Variants in DDX60L observed in about 807,000 individuals in gnomAD.
The protein encoded by DDX60L is probable ATP-dependent RNA helicase DDX60-like.
A neutral mutation model predicts 211.6 loss-of-function variants in DDX60L; 191 were observed. That is an observed-to-expected ratio of 0.90 (90% confidence interval 0.80 to 1.02). The LOEUF (loss-of-function observed/expected upper bound fraction) is 1.02, where lower values mean the gene tolerates loss of function less well. DDX60L is among the 50% of genes least tolerant of loss of function. DDX60L has a pLI of 0.00. For missense variants in DDX60L, 2,007 were observed against 1,984.1 expected, an observed-to-expected ratio of 1.01 and a Z score of -0.22; for synonymous variants, 706 against 694.1, an observed-to-expected ratio of 1.02 and a Z score of -0.27.
At chr4:168,463,857 G>A (rs917337101) in intron 4 of DDX60L, among the ~76,000 whole-genome samples, 4 of 152,154 alleles carry the variant, frequency 2.6e-5, no homozygotes, top group East Asian at 3.9e-4. Context: ...TTTGGGTTGA[G>A]ATTTGTTACA....
chr4:168,441,915 C>A (rs545581839), intron 9 of DDX60L, among the ~76,000 whole-genome samples: 1 of 152,146 alleles, frequency 6.6e-6, no homozygotes, highest in Non-Finnish European at 1.5e-5. Flanking sequence ...AATAATGAAG[C>A]ACAATATGCT....
At chr4:168,423,580 A>AAGAAATTCTAT in intron 15 of DDX60L, 28 bp downstream of exon 15, 1 of 1,482,160 alleles carries the variant, frequency 6.7e-7, no homozygotes, top group African/African-American at 1.4e-5. Flanking sequence ...GTAAAAATTT[A>AAGAAATTCTAT]AAGTATAAGA....
intron 36 of DDX60L, 41 bp from the exon 37 acceptor site, chr4:168,361,252 A>G (rs1417854570): frequency 1.5e-6 from 2 of 1,360,868 alleles, no homozygotes; most frequent in Non-Finnish European, 2.1e-6. Flanking sequence ...GTATAAAAAC[A>G]TAAACATAAA....
At chr4:168,446,291 G>C (rs1331546017) in intron 9 of DDX60L, among the ~76,000 whole-genome samples, 1 of 152,106 alleles carries the variant, frequency 6.6e-6, no homozygotes, top group Non-Finnish European at 1.5e-5. Flanking sequence ...TTGCTTCAAA[G>C]AGAATAAAAT....
Position 168,456,092 on chromosome 4 carries a change from C to T in DDX60L, c.784G>A (p.Val262Ile). 6.3e-7 allele frequency: 1 copy of T among 1,596,746 alleles called. No homozygotes were observed. Among genetic ancestry groups the T allele is most frequent in the Non-Finnish European group, 8.5e-7 (1 of 1,173,364 alleles). Reference protein sequence around the residue: ...LWSEGSDIQRVLCVTSCSLSL... With the variant: ...LWSEGSDIQRILCVTSCSLSL... ...AGTGAACATGAAGTGACACAGAGAACACGCTGGATGTCCGATCCTTCTGAC... is the reference window on the plus strand; with the variant it reads ...AGTGAACATGAAGTGACACAGAGAATACGCTGGATGTCCGATCCTTCTGAC... Residue 262 changes from valine to isoleucine, a missense_variant, in exon 7 of 38, where the codon GTT becomes ATT. Coordinates refer to ENST00000682922, the MANE Select transcript of DDX60L (RefSeq NM_001012967.3).
intron 14 of DDX60L, among the ~76,000 whole-genome samples, chr4:168,425,317 A>G (rs1036882837): frequency 1.3e-5 from 2 of 152,248 alleles, no homozygotes; most frequent in Admixed American, 6.5e-5. Context: ...CCACTGAGGT[A>G]CTGGCTTTGC....
Position 168,384,809 on chromosome 4 carries a change from A to T in DDX60L, c.3919T>A (p.Ser1307Thr), listed in dbSNP as rs932103004. 6.2e-7 allele frequency: 1 copy of T among 1,612,118 alleles called. No homozygotes were observed. Reference sequence around the variant, plus strand: ...TGACCTCTTCTTCCAGCACGACCAGACATCTGGAAGCAGCAAAGAATCACA... The same window carrying T: ...TGACCTCTTCTTCCAGCACGACCAGTCATCTGGAAGCAGCAAAGAATCACA... ...YLDALNYRQM[S>T]GRAGRRGQDL... The change falls in exon 30 of 38, where the codon TCT (serine) becomes ACT (threonine). Residue 1307 changes from serine to threonine, a missense_variant. Transcript: ENST00000682922.
chr4:168,430,724 C>T, intron 12 of DDX60L, 86 bp from the exon 13 acceptor site: 2 of 1,019,552 alleles, frequency 2.0e-6, no homozygotes, highest in Non-Finnish European at 1.3e-6. Context: ...TTTTTAACTC[C>T]AGAATAATAA....
rs1752573692 is a variant in DDX60L, at chr4:168,433,024, C to T, written c.1386G>A (p.Leu462=). The part of the protein sequence containing the change: ...DEFVGDMMKD[L]PILKSDDPVV... ...TAACTCTGTACCTCTTTAGAATAGG[C>T]AAATCCTTCATCATATCTCCAACAA... Residue 462 remains leucine, a synonymous_variant, in exon 11 of 38, where the codon TTG becomes TTA. Transcript: ENST00000682922. 6.2e-7 allele frequency: 1 copy of T among 1,606,304 alleles called. No individual in the cohort carries two copies. Among genetic ancestry groups the T allele is most frequent in the Non-Finnish European group, 8.5e-7 (1 of 1,175,698 alleles).
chr4:168,438,734 G>A (rs1753408865), intron 10 of DDX60L, among the ~76,000 whole-genome samples: 1 of 152,200 alleles, frequency 6.6e-6, no homozygotes, highest in African/African-American at 2.4e-5. Flanking sequence ...ACCAGCTTAG[G>A]TGCTTGCTGG....
intron 4 of DDX60L, among the ~76,000 whole-genome samples, chr4:168,465,832 T>C (rs1355797291): frequency 6.6e-6 from 1 of 152,188 alleles, no homozygotes; most frequent in African/African-American, 2.4e-5. Flanking sequence ...TTTTGGGTTC[T>C]CTATTCTGTT....
chr4:168,390,322 A>G lies in DDX60L; in HGVS notation c.3915+1218T>C, dbSNP rs539132889. 3 of 1,153,502 alleles carry G rather than the reference A, an allele frequency of 2.6e-6. No homozygotes were observed. The African/African-American group carries it at 4.8e-5, about 18-fold the overall frequency. The allele number at this position is 1,153,502 out of a possible 1,614,324, so 71.5% of individuals were successfully genotyped here. ...TTTGCTCTCTACATGAAAAAGAGAA[A>G]GACTGAAAAATTCCAGCTCAGGGAC... On this transcript the variant is annotated intron_variant, in intron 29 of 37. Coordinates refer to ENST00000682922, the MANE Select transcript of DDX60L (RefSeq NM_001012967.3).
chr4:168,435,230 A>G (rs1214729922), intron 10 of DDX60L, among the ~76,000 whole-genome samples: 2 of 152,208 alleles, frequency 1.3e-5, no homozygotes, highest in Non-Finnish European at 2.9e-5. Context: ...TAACTGGGAC[A>G]GACATACTCA....
chr4:168,413,873 T>C (rs1749085878), intron 22 of DDX60L, among the ~76,000 whole-genome samples: 1 of 152,028 alleles, frequency 6.6e-6, no homozygotes, highest in South Asian at 2.1e-4. Context: ...CCAATACTCA[T>C]ATACAAGAAG....
Position 168,423,706 on chromosome 4 carries a change from A to G in DDX60L, c.1999T>C (p.Tyr667His), listed in dbSNP as rs1751015146. 6.2e-7 allele frequency: 1 copy of G among 1,608,966 alleles called. No individual in the cohort carries two copies. Among genetic ancestry groups the G allele is most frequent in the South Asian group, 1.1e-5 (1 of 90,102 alleles). Residue 667 changes from tyrosine (Y) to histidine (H), a missense_variant, in exon 15 of 38, where the codon TAC becomes CAC. Coordinates refer to ENST00000682922, the MANE Select transcript of DDX60L (RefSeq NM_001012967.3). Reference sequence around the variant, plus strand: ...TGTTCTGCTTCCAAAATTTCTGGGTATCTCTCCAGGAGTGAATGAATCCTT... The same window carrying G: ...TGTTCTGCTTCCAAAATTTCTGGGTGTCTCTCCAGGAGTGAATGAATCCTT... Reference protein sequence around the residue: ...MKRIHSLLERYPEILEAEHHQ... With the variant: ...MKRIHSLLERHPEILEAEHHQ...
intron 4 of DDX60L, chr4:168,470,154 G>A (rs1758557110): frequency 6.6e-6 from 1 of 152,188 alleles, no homozygotes; most frequent in Non-Finnish European, 1.5e-5. Context: ...AGAATGGCTG[G>A]ACTGACCAAA....
At chr4:168,370,542 A>C (rs1740823218) in intron 36 of DDX60L, among the ~76,000 whole-genome samples, 1 of 152,132 alleles carries the variant, frequency 6.6e-6, no homozygotes, top group Admixed American at 6.6e-5. Flanking sequence ...TATAGTTAAC[A>C]GCATTGTATT....
intron 4 of DDX60L, among the ~76,000 whole-genome samples, chr4:168,468,364 C>A (rs1031417175): frequency 2.0e-5 from 3 of 151,780 alleles, no homozygotes; most frequent in African/African-American, 7.3e-5. Flanking sequence ...ATGTAATCTA[C>A]CAAATTAAGA....
intron 30 of DDX60L, among the ~76,000 whole-genome samples, chr4:168,381,585 T>TA (rs1560953513): frequency 4.0e-4 from 11 of 27,676 alleles, no homozygotes; most frequent in African/African-American, 5.4e-4. Context: ...TCAATTTTTT[T>TA]TAAAAAAAAA....
Sources: allele counts gnomAD v4.1 joint callset (sites outside exome capture counted in the v4.1 genomes callset), GRCh38; gene constraint gnomAD v4.1.1; transcripts MANE v1.5; gene names NCBI Gene and HGNC (gene_info 2026-07-23, HGNC 2026-07-21).